CSMD1: variants seen among roughly 807,000 people sequenced by gnomAD.
The protein encoded by CSMD1 is CUB and sushi domain-containing protein 1.
In CSMD1, 213 loss-of-function variants were observed where a neutral mutation model predicts 417.5. The observed-to-expected ratio is 0.51, with a 90% CI of 0.46 to 0.57. The LOEUF (loss-of-function observed/expected upper bound fraction) is 0.57, where lower values mean the gene tolerates loss of function less well. CSMD1 is among the 20% of genes least tolerant of loss of function. CSMD1 has a pLI of 0.00. For missense variants in CSMD1, 6,923 were observed against 4,529.7 expected (o/e 1.53, Z -15.17); for synonymous variants, 2,862 against 1,736.8 (o/e 1.65, Z -16.11).
intron 4 of CSMD1, among the ~76,000 whole-genome samples, chr8:4,025,346 G>A (rs7812972): frequency 0.17 from 26,529 of 152,088 alleles, 3,111 homozygotes; most frequent in African/African-American, 0.32. Context: ...ACCTTGTTTT[G>A]CATTTGATCC....
At chr8:4,415,395 C>T (rs1345246373) in intron 3 of CSMD1, among the ~76,000 whole-genome samples, 2 of 152,128 alleles carry the variant, frequency 1.3e-5, no homozygotes, top group Non-Finnish European at 2.9e-5. Context: ...ACCTTCTATT[C>T]CGGGTTTGAC....
intron 10 of CSMD1, among the ~76,000 whole-genome samples, chr8:3,559,545 G>A (rs1799378443): frequency 6.6e-6 from 1 of 152,050 alleles, no homozygotes; most frequent in Admixed American, 6.6e-5. Flanking sequence ...AGATGATAAA[G>A]GAAAAGAATT....
intron 9 of CSMD1, among the ~76,000 whole-genome samples, chr8:3,585,129 C>T (rs573876710): frequency 3.9e-5 from 6 of 152,202 alleles, no homozygotes; most frequent in African/African-American, 1.2e-4. Flanking sequence ...TGACTGACCC[C>T]TAGTGGTTAT....
intron 59 of CSMD1, among the ~76,000 whole-genome samples, chr8:2,964,841 A>G (rs111588610): frequency 2.0e-5 from 3 of 152,284 alleles, no homozygotes; most frequent in African/African-American, 7.2e-5. Flanking sequence ...ATTTTTGAGC[A>G]TTCAGGTCAC....
intron 6 of CSMD1, among the ~76,000 whole-genome samples, chr8:3,750,648 CA>C (rs1797293014): frequency 6.6e-6 from 1 of 152,080 alleles, no homozygotes; most frequent in Non-Finnish European, 1.5e-5. Context: ...TTCAGCTGAA[CA>C]AATGTTTTCC....
chr8:3,993,404 G>A (rs183276715), intron 5 of CSMD1, among the ~76,000 whole-genome samples: 1 of 152,274 alleles, frequency 6.6e-6, no homozygotes, highest in East Asian at 1.9e-4. Flanking sequence ...TCAATTAAGT[G>A]ACAAGTTGGG....
At chr8:3,255,400 A>C (rs1472924079) in intron 26 of CSMD1, among the ~76,000 whole-genome samples, 1 of 152,206 alleles carries the variant, frequency 6.6e-6, no homozygotes, top group East Asian at 1.9e-4. Context: ...TAAAGCTGTC[A>C]GACAGGGACA....
rs540940903 is a variant in CSMD1 at position 3,196,471 on chromosome 8, G to A, written c.5194+3243C>T. Among the ~76,000 whole-genome samples the A allele has an allele frequency of 5.9e-5, 9 of 151,960 alleles. No individual in the cohort carries two copies. In the South Asian group the frequency reaches 6.3e-4, roughly 11 times the overall value. On this transcript the variant is annotated intron_variant, in intron 33 of 69. Transcript: ENST00000635120. ...GGACTCGCCCCAAATTCTTTCTTGC[G>A]CGAGATCCAAGAACCTCTCTTGGGG...
At chr8:4,821,857 C>G (rs1431449456) in intron 1 of CSMD1, among the ~76,000 whole-genome samples, 1 of 152,198 alleles carries the variant, frequency 6.6e-6, no homozygotes. Flanking sequence ...CCTGTCCCCA[C>G]TGCCTCCACA....
chr8:4,623,979 A>C (rs376149582), intron 2 of CSMD1, among the ~76,000 whole-genome samples: 3 of 152,134 alleles, frequency 2.0e-5, no homozygotes, highest in African/African-American at 7.2e-5. Context: ...TCTGCACTTT[A>C]TTGGTTACTA....
rs184667640 is a variant in CSMD1, at chr8:3,445,961, G to A, written c.1561+22751C>T. Among the ~76,000 whole-genome samples the A allele has an allele frequency of 5.5e-4, 83 of 152,288 alleles. 1 individual carries two copies. The East Asian group carries it at 0.014, about 26-fold the overall frequency. ...ACAGAGAGGCAACGATGAAATGACTGCTTGTTCTGGGCACAACAGAGGGAG... is the reference window on the plus strand; with the variant it reads ...ACAGAGAGGCAACGATGAAATGACTACTTGTTCTGGGCACAACAGAGGGAG... On this transcript the variant is annotated intron_variant, in intron 12 of 69. Coordinates refer to ENST00000635120, the MANE Select transcript of CSMD1 (RefSeq NM_033225.6).
chr8:3,290,771 A>C (rs1338392802), intron 25 of CSMD1, among the ~76,000 whole-genome samples: 14 of 147,832 alleles, frequency 9.5e-5, no homozygotes. Flanking sequence ...TCATCTGCCA[A>C]CAGGGACAAT....
At chr8:3,503,925 A>C (rs546482744) in intron 10 of CSMD1, among the ~76,000 whole-genome samples, 2 of 150,726 alleles carry the variant, frequency 1.3e-5, no homozygotes, top group South Asian at 4.2e-4. Context: ...CTTCCACATG[A>C]GTGAGAATAT....
rs550772065 is a variant in CSMD1, at chr8:4,046,053, T to C, written c.416-13954A>G. Among the ~76,000 whole-genome samples the C allele has an allele frequency of 5.9e-5, 9 of 152,300 alleles. No individual in the cohort carries two copies. The East Asian group carries it at 1.5e-3, about 26-fold the overall frequency. ...TTTAGGACTCATGCAGATTAGATTT[T>C]AAAATCAGTTCTCCCAATTTATATA... On this transcript the variant is annotated intron_variant, in intron 3 of 69. Coordinates refer to ENST00000635120, the MANE Select transcript of CSMD1 (RefSeq NM_033225.6).
chr8:4,050,627 G>C (rs914684705), intron 3 of CSMD1, among the ~76,000 whole-genome samples: 1 of 151,830 alleles, frequency 6.6e-6, no homozygotes, highest in Non-Finnish European at 1.5e-5. Flanking sequence ...TCATCCTGCG[G>C]TGCTATCAAA....
chr8:4,594,538 T>C (rs2130742820), intron 2 of CSMD1, among the ~76,000 whole-genome samples: 1 of 152,226 alleles, frequency 6.6e-6, no homozygotes, highest in Non-Finnish European at 1.5e-5. Flanking sequence ...CATTCTGAGT[T>C]ATTGGGATTT....
chr8:3,639,521 T>A (rs982907641), intron 7 of CSMD1, among the ~76,000 whole-genome samples: 5 of 152,126 alleles, frequency 3.3e-5, no homozygotes, highest in Admixed American at 6.6e-5. Context: ...AAGACACAGA[T>A]AACATAATAG....
At chr8:4,161,481 G>T (rs995379897) in intron 3 of CSMD1, among the ~76,000 whole-genome samples, 2 of 152,150 alleles carry the variant, frequency 1.3e-5, no homozygotes, top group African/African-American at 4.8e-5. Flanking sequence ...AGGTCATGCT[G>T]CTGTTGAGAT....
chr8:3,208,908 G>A (rs1797447983), intron 30 of CSMD1, among the ~76,000 whole-genome samples: 1 of 152,180 alleles, frequency 6.6e-6, no homozygotes, highest in Non-Finnish European at 1.5e-5. Context: ...CCTGCAGACA[G>A]CATATTGTGG....
Sources: allele counts gnomAD v4.1 joint callset (sites outside exome capture counted in the v4.1 genomes callset), GRCh38; gene constraint gnomAD v4.1.1; transcripts MANE v1.5; gene names NCBI Gene and HGNC (gene_info 2026-07-23, HGNC 2026-07-21).